Variants in PXDC1 observed in about 807,000 individuals in gnomAD.
The protein encoded by PXDC1 is PX domain-containing protein 1.
Under a neutral mutation model 24.4 loss-of-function variants are expected in PXDC1, and 13 were observed. The ratio of observed to expected loss-of-function variants is 0.53; its 90% CI spans 0.35 to 0.85. The LOEUF (loss-of-function observed/expected upper bound fraction) is 0.85. Among genes scored for constraint, PXDC1 ranks in the 40% least tolerant of loss-of-function variants. The pLI, the probability that PXDC1 is intolerant of heterozygous loss-of-function variation, is 0.01. For synonymous variants in PXDC1, 162 were observed against 124.9 expected (o/e 1.30, Z -1.98); for missense variants, 344 against 309.3 (o/e 1.11, Z -0.84).
In PXDC1 at chr6:3,723,670, G is replaced by A. The variant is rs755067746; in HGVS notation, c.645C>T (p.Thr215=). ...GGACCAGGTGGTAATATGACAGGTT[G>A]GTGACGTAGGCTGCTGGGTCGTCCC... The part of the protein sequence containing the change: ...EDGDDPAAYV[T]NLSYYHLVPF... The change falls in exon 5 of 5, where the codon ACC becomes ACT. Residue 215 remains threonine (T), a synonymous_variant. Transcript: ENST00000380283. 1 of 1,614,198 alleles carries A rather than the reference G, an allele frequency of 6.2e-7. No homozygotes were observed. Among genetic ancestry groups the A allele is most frequent in the South Asian group, 1.1e-5 (1 of 91,082 alleles).
chr6:3,727,700 G>A (rs758104106), intron 3 of PXDC1, 38 bp from the exon 4 acceptor site: 7 of 1,409,058 alleles, frequency 5.0e-6, no homozygotes, highest in Non-Finnish European at 2.0e-6. Context: ...CTCAGGAGGG[G>A]TCGGAGCTTG....
At chr6:3,746,994 G>T (rs1374115116) in intron 1 of PXDC1, among the ~76,000 whole-genome samples, 3 of 152,134 alleles carry the variant, frequency 2.0e-5, no homozygotes, top group Admixed American at 6.5e-5. Flanking sequence ...CTAGCATGCA[G>T]GTAGATGAAT....
At chr6:3,731,112 A>G (rs1307582962) in intron 3 of PXDC1, among the ~76,000 whole-genome samples, 2 of 152,204 alleles carry the variant, frequency 1.3e-5, no homozygotes, top group East Asian at 3.8e-4. Context: ...TAACTGGGCT[A>G]CCCCTATTTA....
rs1437378092 is a variant in PXDC1, at chr6:3,728,564, T to G, written c.467-902A>C. ...TGGCTGCATGGCATGAGCTAGAGGG[T>G]GGAAGTCTGCGCTCGTCCTTGGCTG... On this transcript the variant is annotated intron_variant, in intron 3 of 4. Coordinates refer to ENST00000380283, the MANE Select transcript of PXDC1 (RefSeq NM_183373.4). This position sits in a 1 kb window ranked among gnomAD's most constrained non-coding sequence, Gnocchi z 4.0. 6.6e-6 allele frequency among the ~76,000 whole-genome samples: 1 copy of G among 151,920 alleles called. No individual in the cohort carries two copies. The highest frequency in any genetic ancestry group is 1.9e-4 in the East Asian group (1 of 5,184).
chr6:3,747,696 T>G (rs1193629534), intron 1 of PXDC1, among the ~76,000 whole-genome samples: 1 of 152,220 alleles, frequency 6.6e-6, no homozygotes, highest in African/African-American at 2.4e-5. Context: ...CTCCTGTAAG[T>G]CGGAGCCCCT....
Position 3,751,585 on chromosome 6 carries a change from C to T in PXDC1, c.-54G>A, listed in dbSNP as rs1482337602. On this transcript the variant is annotated 5_prime_UTR_variant, in exon 1 of 5. Transcript: ENST00000380283. ...CCCAGCCCCGCCGCCCGCCCGCCCGCAGGAGGCGCGCCCCGGCCGGGGTCG... is the reference window on the plus strand; with the variant it reads ...CCCAGCCCCGCCGCCCGCCCGCCCGTAGGAGGCGCGCCCCGGCCGGGGTCG... 2.2e-5 allele frequency: 32 copies of T among 1,444,082 alleles called. No homozygotes were observed. Among genetic ancestry groups the T allele is most frequent in the Non-Finnish European group, 2.8e-5 (31 of 1,103,362 alleles). The allele number at this position is 1,444,082 out of a possible 1,614,324, so 89.5% of individuals were successfully genotyped here. A position where few individuals can be genotyped will look rare whatever the true frequency, so the allele number is the denominator to read the frequency against.
chr6:3,744,642 G>T (rs1003080356), intron 1 of PXDC1, among the ~76,000 whole-genome samples: 30 of 152,230 alleles, frequency 2.0e-4, no homozygotes, highest in Non-Finnish European at 2.6e-4. Flanking sequence ...GGAGGCAACG[G>T]CTTCCCACGG....
At chr6:3,738,983 T>G in intron 1 of PXDC1, 1 of 1,284,596 alleles carries the variant, frequency 7.8e-7, no homozygotes, top group Non-Finnish European at 1.0e-6. Context: ...TGAGCGGTGA[T>G]TAAACCACAA....
rs189221238 is a variant in PXDC1 at position 3,724,859 on chromosome 6, A to G, written c.579-1123T>C. ...GCGAATCCCGCTGACCTCAAGGGAC[A>G]GGGCTGTGAAGACAGCTTTAAGGCA... On this transcript the variant is annotated intron_variant, in intron 4 of 4. Coordinates refer to ENST00000380283, the MANE Select transcript of PXDC1 (RefSeq NM_183373.4). This position sits in a 1 kb window ranked among gnomAD's most constrained non-coding sequence, Gnocchi z 4.5. Among the ~76,000 whole-genome samples, 215 of 152,348 alleles carry G rather than the reference A, an allele frequency of 1.4e-3. 5 individuals carry two copies. In the East Asian group the frequency reaches 0.035, roughly 24 times the overall value.
intron 3 of PXDC1, 56 bp from the exon 4 acceptor site, chr6:3,727,718 G>T: frequency 8.2e-7 from 1 of 1,220,658 alleles, no homozygotes; most frequent in Non-Finnish European, 1.2e-6. Flanking sequence ...TTGAGGTTTT[G>T]GAGTTTGGAA....
chr6:3,744,409 G>A (rs1263222740), intron 1 of PXDC1, among the ~76,000 whole-genome samples: 1 of 152,188 alleles, frequency 6.6e-6, no homozygotes, highest in African/African-American at 2.4e-5. Context: ...ACTGTCCCCT[G>A]CCTGGCAAAT....
chr6:3,730,793 T>A (rs1418549021), intron 3 of PXDC1, among the ~76,000 whole-genome samples: 2 of 152,260 alleles, frequency 1.3e-5, no homozygotes. Flanking sequence ...ACTTGCCATG[T>A]GCCTTCGGCC....
rs550016493 is a variant in PXDC1 at position 3,737,483 on chromosome 6, A to G, written c.349-287T>C. ...GTTTCACTTGCGCCTCCCTCCCTCTATAGTCAACTGTAGGCTGTGTCCACT... is the reference window on the plus strand; with the variant it reads ...GTTTCACTTGCGCCTCCCTCCCTCTGTAGTCAACTGTAGGCTGTGTCCACT... On this transcript the variant is annotated intron_variant, in intron 2 of 4. Coordinates refer to ENST00000380283, the MANE Select transcript of PXDC1 (RefSeq NM_183373.4). The surrounding 1 kb of genome is among the most constrained non-coding windows in gnomAD (Gnocchi z 5.5). The G allele has an allele frequency of 5.6e-6, 1 of 178,646 alleles. No individual in the cohort carries two copies. Among genetic ancestry groups the G allele is most frequent in the Non-Finnish European group, 1.1e-5 (1 of 92,250 alleles). The allele number at this position is 178,646 out of a possible 1,614,324, so 11.1% of individuals were successfully genotyped here.
At chr6:3,745,253 C>T (rs1167475096) in intron 1 of PXDC1, among the ~76,000 whole-genome samples, 1 of 152,222 alleles carries the variant, frequency 6.6e-6, no homozygotes, top group African/African-American at 2.4e-5. Context: ...TCCTGCCAAG[C>T]GGCTCGCTGC....
chr6:3,748,789 G>C (rs770863889), intron 1 of PXDC1, among the ~76,000 whole-genome samples: 2 of 152,202 alleles, frequency 1.3e-5, no homozygotes, highest in Non-Finnish European at 2.9e-5. Context: ...AATGGAACTA[G>C]AGAATGCAAA....
At position 3,728,798 on chromosome 6, in the gene PXDC1, C is replaced by T. The variant is rs1760130044; in HGVS notation, c.467-1136G>A. 6.6e-6 allele frequency among the ~76,000 whole-genome samples: 1 copy of T among 152,162 alleles called. No individual in the cohort carries two copies. The highest frequency in any genetic ancestry group is 6.5e-5 in the Admixed American group (1 of 15,276). On this transcript the variant is annotated intron_variant, in intron 3 of 4. Coordinates refer to ENST00000380283, the MANE Select transcript of PXDC1 (RefSeq NM_183373.4). This position sits in a 1 kb window ranked among gnomAD's most constrained non-coding sequence, Gnocchi z 4.0. ...TTCGTTTGTATTTTCTGAGGGACCG[C>T]GTTTCCGTCCCCTCGCTCAGCAGAT...
rs374424655 is a variant in PXDC1, at chr6:3,727,695, G to A, written c.467-33C>T. 5 of 1,433,682 alleles carry A rather than the reference G, an allele frequency of 3.5e-6. No homozygotes were observed. The African/African-American group carries it at 7.0e-5, about 20-fold the overall frequency. 88.8% of individuals were successfully genotyped at this position (1,433,682 alleles called of 1,614,324 possible). ...CCAAAGCAACAAGGTGAGTCCTCAG[G>A]AGGGGTCGGAGCTTGAGGTTTTGGA... On this transcript the variant is annotated intron_variant, in intron 3 of 4. Coordinates refer to ENST00000380283, the MANE Select transcript of PXDC1 (RefSeq NM_183373.4).
At chr6:3,748,516 G>A (rs1053911101) in intron 1 of PXDC1, among the ~76,000 whole-genome samples, 22 of 152,270 alleles carry the variant, frequency 1.4e-4, no homozygotes, top group African/African-American at 4.8e-4. Flanking sequence ...ATGTGTCACC[G>A]TGACACATAC....
At chr6:3,735,824 T>G (rs1295315446) in intron 3 of PXDC1, among the ~76,000 whole-genome samples, 1 of 152,214 alleles carries the variant, frequency 6.6e-6, no homozygotes, top group Non-Finnish European at 1.5e-5. Flanking sequence ...CTGATTTGAT[T>G]TTTACACAAT....
Sources: allele counts gnomAD v4.1 joint callset (sites outside exome capture counted in the v4.1 genomes callset), GRCh38; gene constraint gnomAD v4.1.1; non-coding constraint Gnocchi (gnomAD v3.1); transcripts MANE v1.5; gene names NCBI Gene and HGNC (gene_info 2026-07-23, HGNC 2026-07-21).